The following EXO1 variants were observed in gnomAD, a reference collection of about 807,000 sequenced individuals.
The protein encoded by EXO1 is exonuclease 1.
In EXO1, 69 loss-of-function variants were observed where a neutral mutation model predicts 84.5. The ratio of observed to expected loss-of-function variants is 0.82; its 90% confidence interval spans 0.67 to 1.00. The LOEUF is 1.00. EXO1 is among the 50% of genes least tolerant of loss of function. The probability of loss-of-function intolerance (pLI) is 0.00; values close to 1 mark genes in which losing one functional copy is unlikely to be tolerated. For synonymous variants in EXO1, 373 were observed against 366.1 expected, an observed-to-expected ratio of 1.02 and a Z score of -0.21; for missense variants, 1,045 against 1,000.7, an observed-to-expected ratio of 1.04 and a Z score of -0.60.
intron 14 of EXO1, among the ~76,000 whole-genome samples, chr1:241,884,257 A>G (rs575480044): frequency 1.3e-5 from 2 of 152,194 alleles, no homozygotes; most frequent in Admixed American, 1.3e-4. Context: ...TTTCCCCATC[A>G]CAACACATAT....
In EXO1 at chr1:241,879,128, C is replaced by G; in HGVS notation, c.1894C>G (p.Gln632Glu). The change falls in exon 13 of 16, where the codon CAG (glutamine) becomes GAG (glutamate). Residue 632 changes from glutamine to glutamate, a missense_variant. Coordinates refer to ENST00000366548, the MANE Select transcript of EXO1 (RefSeq NM_130398.4). ...CCCCTCTCCAAGCACAGCATTGCAG[C>G]AGTTCCGAAGAAAGAGCGATTCCCC... is the stretch of plus-strand genomic sequence containing the variant. ...PSPSPSTALQ[Q>E]FRRKSDSPTS... The G allele has an allele frequency of 1.9e-6, 3 of 1,611,414 alleles. No homozygotes were observed. Among genetic ancestry groups the G allele is most frequent in the Non-Finnish European group, 2.5e-6 (3 of 1,177,558 alleles).
intron 4 of EXO1, 44 bp from the exon 5 acceptor site, chr1:241,852,248 C>A (rs992608607): frequency 6.4e-7 from 1 of 1,569,206 alleles, no homozygotes; most frequent in Non-Finnish European, 8.7e-7. Flanking sequence ...GAAGTATTAC[C>A]TTAAGAAAGG....
chr1:241,858,457 T>C, intron 7 of EXO1, 49 bp from the exon 8 acceptor site: 1 of 1,164,630 alleles, frequency 8.6e-7, no homozygotes, highest in Non-Finnish European at 1.3e-6. Context: ...GATTAGATAA[T>C]GACAAAAGTG....
chr1:241,881,096 C>T (rs768616012), intron 13 of EXO1, among the ~76,000 whole-genome samples: 9 of 152,030 alleles, frequency 5.9e-5, no homozygotes, highest in Non-Finnish European at 7.3e-5. Flanking sequence ...GGTACAATCT[C>T]GGCTCACTGC....
chr1:241,853,434 AC>A lies in EXO1; in HGVS notation c.361del (p.Arg121GlyfsTer13). 6.2e-7 allele frequency: 1 copy of A among 1,614,028 alleles called. No homozygotes were observed. Among genetic ancestry groups the A allele is most frequent in the Non-Finnish European group, 8.5e-7 (1 of 1,179,960 alleles). The stretch of plus-strand genomic sequence containing the variant: ...AGTCTCGGAAGCTCGAGAGTGTTTC[AC>A]CCGGTCTATCAATATCACACATGCC... ...GKVSEARECF[T>X]RSINITHAMA... is the part of the protein sequence containing the mutation. On this transcript the variant is annotated frameshift_variant, in exon 6 of 16. Coordinates refer to ENST00000366548, the MANE Select transcript of EXO1 (RefSeq NM_130398.4). LOFTEE classifies it high-confidence loss of function.
At position 241,867,195 on chromosome 1, in the gene EXO1, G is replaced by A. The variant is rs571861619; in HGVS notation, c.1267+140G>A. On this transcript the variant is annotated intron_variant, in intron 11 of 15. Transcript: ENST00000366548. ...TGTATTAGTCCATTTTCACCCTGCTGATAAACACATACCTGAGACTGGGCA... is the reference window on the plus strand; with the variant it reads ...TGTATTAGTCCATTTTCACCCTGCTAATAAACACATACCTGAGACTGGGCA... The A allele has an allele frequency of 9.8e-5, 71 of 722,696 alleles. No homozygotes were observed. In the African/African-American group the frequency reaches 1.1e-3, roughly 12 times the overall value. 44.8% of individuals were successfully genotyped at this position (722,696 alleles called of 1,614,324 possible).
intron 6 of EXO1, among the ~76,000 whole-genome samples, chr1:241,855,761 G>A (rs547355344): frequency 9.8e-5 from 15 of 152,368 alleles, no homozygotes; most frequent in East Asian, 3.9e-4. Flanking sequence ...GAAATAGAGC[G>A]CAGCGCCGGT....
At chr1:241,888,386 T>G (rs72757209) in intron 15 of EXO1, among the ~76,000 whole-genome samples, 1 of 140,538 alleles carries the variant, frequency 7.1e-6, no homozygotes, top group Non-Finnish European at 1.6e-5. Context: ...ATAGTCCTGG[T>G]ATGACTCGTA....
chr1:241,880,773 G>A (rs12741245), intron 13 of EXO1, among the ~76,000 whole-genome samples: 1 of 152,194 alleles, frequency 6.6e-6, no homozygotes, highest in African/African-American at 2.4e-5. Flanking sequence ...CTATAGTTCA[G>A]AAGAAAATGC....
At chr1:241,888,574 T>C (rs1663193028) in intron 15 of EXO1, among the ~76,000 whole-genome samples, 1 of 152,194 alleles carries the variant, frequency 6.6e-6, no homozygotes, top group African/African-American at 2.4e-5. Context: ...CCAGGGGTTG[T>C]GGAACATGCT....
chr1:241,887,584 T>G (rs1003146634), intron 15 of EXO1, among the ~76,000 whole-genome samples: 2 of 152,194 alleles, frequency 1.3e-5, no homozygotes, highest in African/African-American at 4.8e-5. Context: ...ACAAATACTC[T>G]TAGTTGTTTT....
intron 7 of EXO1, among the ~76,000 whole-genome samples, chr1:241,858,218 A>G (rs1661172340): frequency 6.6e-6 from 1 of 152,262 alleles, no homozygotes; most frequent in Non-Finnish European, 1.5e-5. Flanking sequence ...CTGTTTGATT[A>G]TCATGACAAC....
intron 14 of EXO1, 60 bp from the exon 15 acceptor site, chr1:241,885,254 C>T: frequency 9.5e-7 from 1 of 1,051,722 alleles, no homozygotes; most frequent in Non-Finnish European, 1.4e-6. Context: ...TAAAGAATAG[C>T]TTGAAATTAA....
At chr1:241,880,931 A>G (rs532323366) in intron 13 of EXO1, among the ~76,000 whole-genome samples, 12 of 152,338 alleles carry the variant, frequency 7.9e-5, no homozygotes, top group African/African-American at 2.9e-4. Flanking sequence ...AGAGTCACCA[A>G]TACTGTTAGC....
chr1:241,876,183 C>A (rs1662391770), intron 12 of EXO1, among the ~76,000 whole-genome samples: 1 of 152,152 alleles, frequency 6.6e-6, no homozygotes, highest in Admixed American at 6.5e-5. Flanking sequence ...TAAGAGATAC[C>A]TAGAGAAATA....
chr1:241,877,084 A>C (rs1214789730), intron 12 of EXO1, among the ~76,000 whole-genome samples: 1 of 152,216 alleles, frequency 6.6e-6, no homozygotes, highest in Non-Finnish European at 1.5e-5. Context: ...GATACTAAAC[A>C]TGTAAAACGT....
intron 10 of EXO1, among the ~76,000 whole-genome samples, chr1:241,863,489 G>A (rs1661518244): frequency 6.6e-6 from 1 of 151,890 alleles, no homozygotes; most frequent in Admixed American, 6.6e-5. Context: ...TTATGGATGG[G>A]CTAAGAATAT....
chr1:241,851,369 T>C (rs574128432), intron 4 of EXO1, among the ~76,000 whole-genome samples: 5 of 152,302 alleles, frequency 3.3e-5, no homozygotes, highest in African/African-American at 1.2e-4. Context: ...CTACAACACA[T>C]AGAAAAAATA....
rs1660598175 is a variant in EXO1, at chr1:241,850,460, A to T, written c.35A>T (p.Glu12Val). ...CAGGGATTGCTACAATTTATCAAAG[A>T]AGCTTCAGAACCCATCCATGTGAGG... ...GIQGLLQFIKEASEPIHVRKY... is the reference protein window; with the variant it reads ...GIQGLLQFIKVASEPIHVRKY... The change falls in exon 4 of 16, where the codon GAA becomes GTA. Residue 12 changes from glutamate to valine, a missense_variant. Physicochemically the swap from Glu to Val is moderately radical, Grantham distance 121. Transcript: ENST00000366548. 1.2e-6 allele frequency: 2 copies of T among 1,614,090 alleles called. No homozygotes were observed. The highest frequency in any genetic ancestry group is 1.7e-6 in the Non-Finnish European group (2 of 1,179,916).
Sources: gnomAD v4.1 joint callset for allele counts (sites outside exome capture counted in the v4.1 genomes callset) on GRCh38, gnomAD v4.1.1 for gene constraint, MANE v1.5 for transcripts, NCBI Gene and HGNC (gene_info 2026-07-23, HGNC 2026-07-21) for gene names.